Variants in DYNC2I1 observed in about 807,000 individuals in gnomAD.
The protein encoded by DYNC2I1 is cytoplasmic dynein 2 intermediate chain 1.
Under a neutral mutation model 133.4 loss-of-function variants are expected in DYNC2I1, and 89 were observed. The observed-to-expected ratio is 0.67, with a 90% CI of 0.56 to 0.80. The LOEUF is 0.80. DYNC2I1 is among the 30% of genes least tolerant of loss of function. DYNC2I1 has a pLI of 0.00. For synonymous variants in DYNC2I1, 504 were observed against 484.3 expected (o/e 1.04, Z -0.54); for missense variants, 1,291 against 1,314.5 (o/e 0.98, Z 0.28).
intron 4 of DYNC2I1, among the ~76,000 whole-genome samples, chr7:158,878,034 G>T (rs1219129023): frequency 6.6e-6 from 1 of 152,066 alleles, no homozygotes; most frequent in Non-Finnish European, 1.5e-5. Context: ...ATGTGGAGGG[G>T]CCAGGAGGGC....
At chr7:158,907,273 CTTTTT>C (rs36062364) in intron 11 of DYNC2I1, among the ~76,000 whole-genome samples, 2,592 of 99,756 alleles carry the variant, frequency 0.026, 70 homozygotes, top group African/African-American at 0.089. Context: ...CCATGGCCTT[CTTTTT>C]TTTTTTTTTT....
At chr7:158,877,167 CAGG>C (rs1843434792) in intron 4 of DYNC2I1, among the ~76,000 whole-genome samples, 1 of 150,906 alleles carries the variant, frequency 6.6e-6, no homozygotes, top group Non-Finnish European at 1.5e-5. Flanking sequence ...TGGTGCTCTC[CAGG>C]CACCTGCGGT....
In DYNC2I1 at chr7:158,945,742, A is replaced by G. The variant is rs775877565; in HGVS notation, c.3164A>G (p.Gln1055Arg). Residue 1055 changes from glutamine to arginine, a missense_variant, in exon 25 of 25, where the codon CAG (glutamine) becomes CGG (arginine). Transcript: ENST00000407559. This position sits in a 1 kb window ranked among gnomAD's most constrained non-coding sequence, Gnocchi z 4.1. ...DECNRLRLLLQEALWPEGKLH... is the reference protein window; with the variant it reads ...DECNRLRLLLREALWPEGKLH... Reference sequence around the variant, plus strand: ...TGCAACAGGCTGCGTCTGCTTTTGCAGGAAGCCCTGTGGCCAGAGGGAAAA... The same window carrying G: ...TGCAACAGGCTGCGTCTGCTTTTGCGGGAAGCCCTGTGGCCAGAGGGAAAA... 6 of 1,596,964 alleles carry G rather than the reference A, an allele frequency of 3.8e-6. No individual in the cohort carries two copies. In the African/African-American group the frequency reaches 6.7e-5, roughly 18 times the overall value.
downstream of DYNC2I1, among the ~76,000 whole-genome samples, chr7:158,957,210 C>T (rs1852220498): frequency 6.6e-6 from 1 of 152,218 alleles, no homozygotes; most frequent in South Asian, 2.1e-4. Flanking sequence ...TTCTTCTTTT[C>T]CTCAAGTCAT....
the DYNC2I1 span, among the ~76,000 whole-genome samples, chr7:158,847,023 A>C: frequency 1.1e-4 from 17 of 152,240 alleles, no homozygotes; most frequent in Non-Finnish European, 1.9e-4. Context: ...AAAGAAAAGT[A>C]AGTGCTTATC....
At position 158,901,684 on chromosome 7, in the gene DYNC2I1, A is replaced by C. The variant is rs1846276914; in HGVS notation, c.1060-55A>C. On this transcript the variant is annotated intron_variant, in intron 8 of 24. Coordinates refer to ENST00000407559, the MANE Select transcript of DYNC2I1 (RefSeq NM_018051.5). ...ATATATGTTTTCCCAATCTATTTGCAATATTCAATTTTATGATTGAATTTT... is the reference window on the plus strand; with the variant it reads ...ATATATGTTTTCCCAATCTATTTGCCATATTCAATTTTATGATTGAATTTT... The C allele has an allele frequency of 1.0e-5, 11 of 1,098,702 alleles. No homozygotes were observed. The Admixed American group carries it at 2.5e-4, about 25-fold the overall frequency. 68.1% of individuals were successfully genotyped at this position (1,098,702 alleles called of 1,614,324 possible).
At chr7:158,868,402 G>A (rs1442139365) in intron 1 of DYNC2I1, among the ~76,000 whole-genome samples, 1 of 152,220 alleles carries the variant, frequency 6.6e-6, no homozygotes, top group East Asian at 1.9e-4. Flanking sequence ...CTTTCCGGAA[G>A]GTGAGGGCTT....
chr7:158,913,783 A>T (rs1047005154), intron 13 of DYNC2I1, among the ~76,000 whole-genome samples: 1 of 152,144 alleles, frequency 6.6e-6, no homozygotes, highest in African/African-American at 2.4e-5. Context: ...ATCTCAGCTC[A>T]CTGTAACCTC....
chr7:158,860,077 CGAA>C (rs1841738161), intron 1 of DYNC2I1, among the ~76,000 whole-genome samples: 1 of 146,990 alleles, frequency 6.8e-6, no homozygotes, highest in Non-Finnish European at 1.5e-5. Flanking sequence ...TTTTTGGAGA[CGAA>C]GTCTCACTCT....
At chr7:158,848,736 A>C in the DYNC2I1 span, among the ~76,000 whole-genome samples, 1 of 152,274 alleles carries the variant, frequency 6.6e-6, no homozygotes, top group African/African-American at 2.4e-5. Context: ...CATTCTGGCT[A>C]ACACGGTGAA....
intron 23 of DYNC2I1, among the ~76,000 whole-genome samples, chr7:158,938,995 A>G (rs1851059274): frequency 1.3e-5 from 2 of 152,248 alleles, no homozygotes; most frequent in Non-Finnish European, 2.9e-5. Context: ...AGATATAAGT[A>G]ATTTAAAAAT....
intron 13 of DYNC2I1, among the ~76,000 whole-genome samples, chr7:158,913,971 A>G (rs1029450235): frequency 3.3e-5 from 5 of 152,178 alleles, no homozygotes; most frequent in Non-Finnish European, 5.9e-5. Context: ...CGGCCACCCA[A>G]AGTGCTGGGA....
At chr7:158,873,104 TAAA>T (rs1563088896) in intron 3 of DYNC2I1, among the ~76,000 whole-genome samples, 1 of 152,334 alleles carries the variant, frequency 6.6e-6, no homozygotes, top group African/African-American at 2.4e-5. Flanking sequence ...ACCTCTTTGA[TAAA>T]AAATATTTTC....
intron 14 of DYNC2I1, among the ~76,000 whole-genome samples, chr7:158,917,884 T>G (rs564354779): frequency 1.3e-5 from 2 of 152,310 alleles, no homozygotes; most frequent in African/African-American, 4.8e-5. Context: ...ATTCCCTTTC[T>G]CACACGAATC....
At chr7:158,923,362 G>T (rs529029398) in intron 16 of DYNC2I1, among the ~76,000 whole-genome samples, 3 of 152,252 alleles carry the variant, frequency 2.0e-5, no homozygotes, top group South Asian at 4.2e-4. Flanking sequence ...AGCCTACGGG[G>T]TGGGTTTCTC....
intron 1 of DYNC2I1, among the ~76,000 whole-genome samples, chr7:158,858,337 TAGTC>T (rs1841509684): frequency 6.6e-6 from 1 of 152,216 alleles, no homozygotes; most frequent in Non-Finnish European, 1.5e-5. Context: ...CAGAACCAAA[TAGTC>T]AGATTGGACC....
At chr7:158,891,379 C>G in intron 8 of DYNC2I1, 46 bp downstream of exon 8, 1 of 1,605,740 alleles carries the variant, frequency 6.2e-7, no homozygotes, top group Non-Finnish European at 8.5e-7. Context: ...TGTCCCAGCA[C>G]AGACCCACTC....
At chr7:158,922,620 G>A in intron 16 of DYNC2I1, 71 bp downstream of exon 16, 1 of 1,480,914 alleles carries the variant, frequency 6.8e-7, no homozygotes, top group South Asian at 1.2e-5. Flanking sequence ...AGGTGCAGGT[G>A]GGGAGAGTCA....
chr7:158,892,424 A>G (rs551358314), intron 8 of DYNC2I1, among the ~76,000 whole-genome samples: 4 of 152,156 alleles, frequency 2.6e-5, no homozygotes, highest in Admixed American at 2.6e-4. Flanking sequence ...ATTTATTTTT[A>G]TAAGACTTTA....
Sources: gnomAD v4.1 joint callset for allele counts (sites outside exome capture counted in the v4.1 genomes callset) on GRCh38, gnomAD v4.1.1 for gene constraint, Gnocchi (gnomAD v3.1) non-coding constraint, MANE v1.5 for transcripts, NCBI Gene and HGNC (gene_info 2026-07-23, HGNC 2026-07-21) for gene names.